The following LNX1 variants were observed in gnomAD, a reference collection of about 807,000 sequenced individuals.
LNX1 encodes the protein E3 ubiquitin-protein ligase LNX.
A neutral mutation model predicts 68.4 loss-of-function variants in LNX1; 54 were observed. The observed-to-expected ratio is 0.79, with a 90% CI of 0.63 to 0.99. The LOEUF (loss-of-function observed/expected upper bound fraction) is 0.99. LNX1 is among the 50% of genes least tolerant of loss of function. The pLI, the probability that LNX1 is intolerant of heterozygous loss-of-function variation, is 0.00. For synonymous variants in LNX1, 336 were observed against 350.0 expected (o/e 0.96, Z 0.45); for missense variants, 906 against 926.4 (o/e 0.98, Z 0.29).
At chr4:53,481,319 CG>C (rs1723899357) in intron 7 of LNX1, among the ~76,000 whole-genome samples, 1 of 152,110 alleles carries the variant, frequency 6.6e-6, no homozygotes, top group Non-Finnish European at 1.5e-5. Flanking sequence ...CTAAAAGTAG[CG>C]GGGAAATCAC....
intron 2 of LNX1, chr4:53,558,133 G>C: frequency 7.0e-7 from 1 of 1,423,596 alleles, no homozygotes; most frequent in Non-Finnish European, 9.2e-7. Context: ...TCACGGGCCC[G>C]TAAGAAGATT....
intron 1 of LNX1, among the ~76,000 whole-genome samples, chr4:53,632,173 G>A (rs1734303703): frequency 6.6e-6 from 1 of 152,156 alleles, no homozygotes; most frequent in Admixed American, 6.5e-5. Flanking sequence ...GCCTGAGGCT[G>A]GCCGCTGCGG....
intron 1 of LNX1, among the ~76,000 whole-genome samples, chr4:53,588,416 A>G (rs1732304227): frequency 6.6e-6 from 1 of 152,234 alleles, no homozygotes; most frequent in African/African-American, 2.4e-5. Flanking sequence ...AGAGCAGCTT[A>G]AAGAATCTGT....
At chr4:53,555,027 G>A (rs765036759) in intron 2 of LNX1, among the ~76,000 whole-genome samples, 32 of 152,108 alleles carry the variant, frequency 2.1e-4, no homozygotes, top group Non-Finnish European at 3.1e-4. Context: ...AGGAGGGTCT[G>A]TGCATCTGGA....
chr4:53,508,489 T>A, intron 2 of LNX1: 1 of 426,126 alleles, frequency 2.3e-6, no homozygotes, highest in South Asian at 3.2e-5. Context: ...GCTGCTGGAA[T>A]GCAAATTTAT....
intron 2 of LNX1, among the ~76,000 whole-genome samples, chr4:53,540,340 G>T (rs953054501): frequency 6.6e-6 from 1 of 152,060 alleles, no homozygotes; most frequent in Non-Finnish European, 1.5e-5. Context: ...TCATGACTCC[G>T]CCACTGCACT....
At chr4:53,609,988 A>C (rs1250664964) in intron 2 of LNX1, among the ~76,000 whole-genome samples, 1 of 151,768 alleles carries the variant, frequency 6.6e-6, no homozygotes, top group Non-Finnish European at 1.5e-5. Context: ...AAGTGTGCTC[A>C]AGGTGAAATG....
At chr4:53,597,747 A>G (rs1732815923) in intron 2 of LNX1, among the ~76,000 whole-genome samples, 1 of 152,156 alleles carries the variant, frequency 6.6e-6, no homozygotes, top group South Asian at 2.1e-4. Context: ...TCTCCAATTT[A>G]GCCATTGTCA....
At chr4:53,645,989 A>G (rs972733313) in intron 1 of LNX1, among the ~76,000 whole-genome samples, 2 of 152,142 alleles carry the variant, frequency 1.3e-5, no homozygotes, top group African/African-American at 2.4e-5. Flanking sequence ...TTATAAAGGA[A>G]TTGCTTTATT....
In LNX1 at chr4:53,484,115, T is replaced by C. The variant is rs528994145; in HGVS notation, c.1351-2261A>G. 2.0e-5 allele frequency among the ~76,000 whole-genome samples: 3 copies of C among 152,316 alleles called. No individual in the cohort carries two copies. The East Asian group carries it at 5.8e-4, about 29-fold the overall frequency. On this transcript the variant is annotated intron_variant, in intron 6 of 10. Coordinates refer to ENST00000263925, the MANE Select transcript of LNX1 (RefSeq NM_001126328.3). ...AGCCATCCCCAGACACCAAACCGGC[T>C]AGTGTCTTGATCTTTGACTTCTTGA... is the stretch of plus-strand genomic sequence containing the variant.
chr4:53,650,961 C>T (rs1735075728), intron 1 of LNX1, among the ~76,000 whole-genome samples: 1 of 152,144 alleles, frequency 6.6e-6, no homozygotes, highest in South Asian at 2.1e-4. Context: ...ACTTCACATG[C>T]ATAATCTCAT....
chr4:53,472,442 C>G (rs1354264480), intron 9 of LNX1, among the ~76,000 whole-genome samples: 2 of 151,550 alleles, frequency 1.3e-5, no homozygotes, highest in Non-Finnish European at 2.9e-5. Context: ...ACATATGTAA[C>G]TAACCTGCAC....
At chr4:53,568,557 A>C (rs1378947211) in intron 2 of LNX1, among the ~76,000 whole-genome samples, 1 of 127,264 alleles carries the variant, frequency 7.9e-6, no homozygotes, top group East Asian at 2.4e-4. Context: ...ATGGGCAAAA[A>C]CTGGAAGCAT....
chr4:53,575,340 A>T (rs1271313534), intron 1 of LNX1, among the ~76,000 whole-genome samples: 1 of 152,184 alleles, frequency 6.6e-6, no homozygotes, highest in Non-Finnish European at 1.5e-5. Context: ...TTTAACATAG[A>T]TAGGAGTCAA....
At chr4:53,476,170 G>T (rs1387627241) in intron 9 of LNX1, among the ~76,000 whole-genome samples, 5 of 152,034 alleles carry the variant, frequency 3.3e-5, no homozygotes, top group Non-Finnish European at 7.4e-5. Flanking sequence ...GGTGGTGTGT[G>T]CCTGTAATCC....
Position 53,574,131 on chromosome 4 carries a change from G to GA in LNX1, c.-86-44dup, listed in dbSNP as rs1221244801. ...GGCTCACCTTTGCTTCCCAGCACATGAAAGGCTTATGCTTATGGTAGACAT... is the reference window on the plus strand; with the variant it reads ...GGCTCACCTTTGCTTCCCAGCACATGAAAAGGCTTATGCTTATGGTAGACAT... On this transcript the variant is annotated intron_variant, in intron 1 of 10. Transcript: ENST00000263925. 9 of 1,355,924 alleles carry GA rather than the reference G, an allele frequency of 6.6e-6. No homozygotes were observed. In the Admixed American group the frequency reaches 2.5e-4, roughly 38 times the overall value. The allele number at this position is 1,355,924 out of a possible 1,614,324, so 84.0% of individuals were successfully genotyped here.
rs752004286 is a variant in LNX1 at position 53,507,435 on chromosome 4, T to G, written c.657A>C (p.Arg219Ser). The change falls in exon 4 of 11, where the codon AGA (arginine) becomes AGC (serine). Residue 219 changes from arginine to serine, a missense_variant. Coordinates refer to ENST00000263925, the MANE Select transcript of LNX1 (RefSeq NM_001126328.3). Reference sequence around the variant, plus strand: ...AAGCTCGATTTATTTTTTTAAATGATCTGCTTCTAATAGTGGATCTCTCAA... The same window carrying G: ...AAGCTCGATTTATTTTTTTAAATGAGCTGCTTCTAATAGTGGATCTCTCAA... Reference protein sequence around the residue: ...RPFERSTIRSRSFKKINRALS... With the variant: ...RPFERSTIRSSSFKKINRALS... The G allele has an allele frequency of 6.2e-7, 1 of 1,614,196 alleles. No individual in the cohort carries two copies. The highest frequency in any genetic ancestry group is 8.5e-7 in the Non-Finnish European group (1 of 1,180,024).
At chr4:53,565,197 G>A (rs1730578057) in intron 2 of LNX1, among the ~76,000 whole-genome samples, 1 of 152,114 alleles carries the variant, frequency 6.6e-6, no homozygotes. Flanking sequence ...TGGGGGCAGG[G>A]CACAGACAAA....
At chr4:53,546,910 C>T (rs1729153079) in intron 2 of LNX1, among the ~76,000 whole-genome samples, 1 of 152,202 alleles carries the variant, frequency 6.6e-6, no homozygotes, top group African/African-American at 2.4e-5. Flanking sequence ...GGCGAGGCCT[C>T]AGCCACTGAC....
Sources: allele counts gnomAD v4.1 joint callset (sites outside exome capture counted in the v4.1 genomes callset), GRCh38; gene constraint gnomAD v4.1.1; transcripts MANE v1.5; gene names NCBI Gene and HGNC (gene_info 2026-07-23, HGNC 2026-07-21).